Variants in ARAP2 observed in about 807,000 individuals in gnomAD.
The protein encoded by ARAP2 is arf-GAP with Rho-GAP domain, ANK repeat and PH domain-containing protein 2.
ARAP2 carries 148 observed loss-of-function variants against 194.5 expected under a neutral mutation model. The ratio of observed to expected loss-of-function variants is 0.76; its 90% CI spans 0.67 to 0.87. The LOEUF (loss-of-function observed/expected upper bound fraction) is 0.87. ARAP2 is among the 40% of genes least tolerant of loss of function. ARAP2 has a pLI of 0.00. For missense variants in ARAP2, 2,128 were observed against 1,989.7 expected, an observed-to-expected ratio of 1.07 and a Z score of -1.32; for synonymous variants, 695 against 683.5, an observed-to-expected ratio of 1.02 and a Z score of -0.26.
intron 5 of ARAP2, among the ~76,000 whole-genome samples, chr4:36,030,937 C>T (rs1222297202): frequency 6.6e-6 from 1 of 151,966 alleles, no homozygotes; most frequent in African/African-American, 2.4e-5. Context: ...CAAGACCATC[C>T]TGGCCAACAT....
At chr4:36,053,221 G>T (rs373336811) in intron 2 of ARAP2, among the ~76,000 whole-genome samples, 6 of 151,968 alleles carry the variant, frequency 3.9e-5, no homozygotes, top group African/African-American at 1.4e-4. Context: ...GGCCAGGCTG[G>T]TCTTGAACTT....
chr4:36,017,591 T>C (rs986951382), intron 6 of ARAP2, among the ~76,000 whole-genome samples: 2 of 25,432 alleles, frequency 7.9e-5, no homozygotes, highest in African/African-American at 3.8e-4. Context: ...AAAAAAAGCT[T>C]TCTGTGGAAT....
intron 11 of ARAP2, among the ~76,000 whole-genome samples, chr4:36,162,960 G>A (rs1734440100): frequency 6.6e-6 from 1 of 152,152 alleles, no homozygotes; most frequent in African/African-American, 2.4e-5. Context: ...GACCAAGATT[G>A]AGAATATATG....
intron 19 of ARAP2, among the ~76,000 whole-genome samples, chr4:36,145,527 AG>A (rs921888181): frequency 3.9e-4 from 59 of 151,996 alleles, no homozygotes; most frequent in African/African-American, 1.3e-3. Context: ...GGACTCCAAA[AG>A]TGGGGACCAA....
intron 6 of ARAP2, among the ~76,000 whole-genome samples, chr4:36,018,006 ATTGTGTTGAATGTATTTACTGTAC>A (rs1172106090): frequency 6.6e-6 from 1 of 152,160 alleles, no homozygotes; most frequent in Non-Finnish European, 1.5e-5. Context: ...TTGTACATAA[ATTGTGTTGAATGTATTTACTGTAC>A]TTTTATGACA....
At chr4:36,082,566 G>A (rs898892112) in intron 29 of ARAP2, among the ~76,000 whole-genome samples, 1 of 152,096 alleles carries the variant, frequency 6.6e-6, no homozygotes, top group Non-Finnish European at 1.5e-5. Flanking sequence ...AAATGTCTAC[G>A]AAAATGACTG....
chr4:36,097,448 T>A (rs1487125067), intron 27 of ARAP2, among the ~76,000 whole-genome samples: 1 of 152,126 alleles, frequency 6.6e-6, no homozygotes, highest in Non-Finnish European at 1.5e-5. Flanking sequence ...TGGGGTACAC[T>A]GTGTGTAACT....
chr4:36,140,101 A>T lies in ARAP2; in HGVS notation c.3264-6712T>A, dbSNP rs73809129. ...GTCCTTCATTGGATTGTAGATCCAG[A>T]TAAAAATACTTTTCTTTAAAAAACA... On this transcript the variant is annotated intron_variant, in intron 19 of 32. Coordinates refer to ENST00000303965, the MANE Select transcript of ARAP2 (RefSeq NM_015230.4). 5.3e-3 allele frequency among the ~76,000 whole-genome samples: 799 copies of T among 150,392 alleles called. 10 individuals carry two copies. Among genetic ancestry groups the T allele is most frequent in the African/African-American group, 0.018 (752 of 41,122 alleles).
intron 32 of ARAP2, among the ~76,000 whole-genome samples, chr4:36,068,747 C>T (rs1051915299): frequency 1.3e-5 from 2 of 152,176 alleles, no homozygotes; most frequent in African/African-American, 2.4e-5. Context: ...GTTCTGAGCA[C>T]GTTTAAGCTA....
chr4:36,052,592 T>C (rs181727252), intron 2 of ARAP2, among the ~76,000 whole-genome samples: 6 of 152,234 alleles, frequency 3.9e-5, no homozygotes, highest in Non-Finnish European at 7.3e-5. Context: ...AACACTTTAT[T>C]ATGCAAATAT....
At chr4:36,082,190 A>G (rs895651947) in intron 30 of ARAP2, 61 bp downstream of exon 30, 9 of 1,470,928 alleles carry the variant, frequency 6.1e-6, no homozygotes, top group Non-Finnish European at 8.5e-6. Context: ...TACTGAAATT[A>G]TTCTTTTCCT....
At chr4:36,056,413 C>A (rs116097904) in intron 2 of ARAP2, among the ~76,000 whole-genome samples, 1,640 of 152,302 alleles carry the variant, frequency 0.011, 16 homozygotes, top group South Asian at 0.018. Flanking sequence ...CAAGCAATGT[C>A]TCTACCTGAA....
intron 27 of ARAP2, among the ~76,000 whole-genome samples, chr4:36,106,284 G>C (rs938021354): frequency 3.9e-5 from 6 of 151,916 alleles, no homozygotes; most frequent in African/African-American, 7.2e-5. Flanking sequence ...GCAGTATATG[G>C]TCAGAATCAT....
intron 2 of ARAP2, among the ~76,000 whole-genome samples, chr4:36,222,263 G>A (rs1410965474): frequency 6.6e-6 from 1 of 152,058 alleles, no homozygotes; most frequent in African/African-American, 2.4e-5. Flanking sequence ...ACATAAGGCA[G>A]TGGCCTACAT....
intron 4 of ARAP2, 68 bp from the exon 5 acceptor site, chr4:36,212,555 T>C (rs1262810642): frequency 2.9e-6 from 3 of 1,033,136 alleles, no homozygotes; most frequent in African/African-American, 1.6e-5. Flanking sequence ...TTTGTTTGTA[T>C]GTGTAGCAAT....
intron 28 of ARAP2, among the ~76,000 whole-genome samples, chr4:36,088,249 C>T (rs1208013574): frequency 1.3e-5 from 2 of 151,958 alleles, no homozygotes; most frequent in African/African-American, 4.8e-5. Flanking sequence ...ATGCAAGGAC[C>T]GTGATTAAAG....
chr4:36,227,839 T>C (rs548715301), intron 2 of ARAP2, among the ~76,000 whole-genome samples: 2 of 152,302 alleles, frequency 1.3e-5, no homozygotes, highest in African/African-American at 4.8e-5. Flanking sequence ...TTGAGATTCA[T>C]AAATTCTGAA....
intron 4 of ARAP2, among the ~76,000 whole-genome samples, chr4:36,213,021 A>C (rs78002498): frequency 0.011 from 1,683 of 152,152 alleles, 24 homozygotes; most frequent in East Asian, 0.019. Flanking sequence ...AAAACTCACT[A>C]TCCTGGATTC....
intron 9 of ARAP2, among the ~76,000 whole-genome samples, chr4:36,171,998 T>C (rs563980853): frequency 6.6e-6 from 1 of 152,296 alleles, no homozygotes; most frequent in South Asian, 2.1e-4. Flanking sequence ...TATCAACCTT[T>C]AAAATGCTAT....
Sources: gnomAD v4.1 joint callset for allele counts (sites outside exome capture counted in the v4.1 genomes callset) on GRCh38, gnomAD v4.1.1 for gene constraint, MANE v1.5 for transcripts, NCBI Gene and HGNC (gene_info 2026-07-23, HGNC 2026-07-21) for gene names.